MZT2A: variants seen among roughly 807,000 people sequenced by gnomAD.
The protein encoded by MZT2A is mitotic-spindle organizing protein 2A.
A neutral mutation model predicts 12.4 loss-of-function variants in MZT2A; 8 were observed. That is an observed-to-expected ratio of 0.64 (90% CI 0.38 to 1.16). MZT2A has a LOEUF of 1.16. MZT2A is among the 50% of genes most tolerant of loss of function. The pLI, the probability that MZT2A is intolerant of heterozygous loss-of-function variation, is 0.01. For synonymous variants in MZT2A, 88 were observed against 107.5 expected, an observed-to-expected ratio of 0.82 and a Z score of 1.12; for missense variants, 181 against 223.6, an observed-to-expected ratio of 0.81 and a Z score of 1.22.
At chr2:131,478,498 A>G in intron 2 of MZT2A, 3 of 1,360,870 alleles carry the variant, frequency 2.2e-6, no homozygotes, top group Non-Finnish European at 3.0e-6. Context: ...ATAGACAGGC[A>G]TATGCCCATG....
At chr2:131,493,708 G>A (rs1302529470), upstream of MZT2A, among the ~76,000 whole-genome samples, 2 of 152,200 alleles carry the variant, frequency 1.3e-5, no homozygotes, top group African/African-American at 2.4e-5. Context: ...CGGGTCCGAA[G>A]CAGCTCCTGG....
intron 2 of MZT2A, among the ~76,000 whole-genome samples, chr2:131,485,670 A>AC (rs1206923574): frequency 6.6e-6 from 1 of 151,944 alleles, no homozygotes; most frequent in Non-Finnish European, 1.5e-5. Flanking sequence ...TTTTAGGGTG[A>AC]CTCCAGACAA....
intron 2 of MZT2A, among the ~76,000 whole-genome samples, chr2:131,489,094 G>C (rs1429013990): frequency 6.6e-6 from 1 of 152,164 alleles, no homozygotes; most frequent in Non-Finnish European, 1.5e-5. Flanking sequence ...ACACGTGTGG[G>C]GCTCTGCTGA....
At chr2:131,480,838 T>C (rs1176677030), downstream of MZT2A, 2 of 1,536,064 alleles carry the variant, frequency 1.3e-6, no homozygotes, top group African/African-American at 2.7e-5. Context: ...TTGGGGAGAT[T>C]ATCCCTGTTC....
chr2:131,470,332 T>G, exon 4 of MZT2A: 1 of 1,215,704 alleles, frequency 8.2e-7, no homozygotes, highest in South Asian at 1.3e-5. Context: ...TCTCTGAAGC[T>G]TCAACCAATT....
intron 2 of MZT2A, among the ~76,000 whole-genome samples, chr2:131,485,645 C>T (rs1259522506): frequency 6.6e-6 from 1 of 152,162 alleles, no homozygotes; most frequent in East Asian, 1.9e-4. Context: ...CGTGTGGGAA[C>T]TCCCCTGCCA....
At chr2:131,492,654 G>C, upstream of MZT2A, 2 of 1,258,180 alleles carry the variant, frequency 1.6e-6, no homozygotes, top group South Asian at 1.6e-5. Context: ...ACTTGCATTG[G>C]TCGTGCTCGC....
downstream of MZT2A, chr2:131,480,075 C>A (rs760824199): frequency 1.3e-6 from 2 of 1,586,276 alleles, no homozygotes; most frequent in Non-Finnish European, 1.7e-6. Flanking sequence ...TCAGGCGGAT[C>A]TGTGCACAGG....
chr2:131,492,964 G>A, upstream of MZT2A: 2 of 1,524,776 alleles, frequency 1.3e-6, no homozygotes, highest in East Asian at 5.0e-5. Flanking sequence ...TGGCCGGCCG[G>A]CCGGCCTTCT....
At chr2:131,490,760 G>A (rs1573876311) in intron 2 of MZT2A, 2 of 1,549,830 alleles carry the variant, frequency 1.3e-6, no homozygotes, top group East Asian at 2.4e-5. Flanking sequence ...GGAACCCGGG[G>A]GGCCTGGAGA....
intron 2 of MZT2A, among the ~76,000 whole-genome samples, chr2:131,486,899 G>C (rs1468336505): frequency 6.6e-6 from 1 of 152,170 alleles, no homozygotes; most frequent in Admixed American, 6.5e-5. Flanking sequence ...TTCAGGAATT[G>C]CGTGCTCTCG....
At chr2:131,481,484 G>A (rs1678865147), downstream of MZT2A, among the ~76,000 whole-genome samples, 1 of 149,772 alleles carries the variant, frequency 6.7e-6, no homozygotes, top group Non-Finnish European at 1.5e-5. Flanking sequence ...CGCCCGGGTT[G>A]GAATGCAGTG....
At chr2:131,493,255 G>A (rs1679424474), upstream of MZT2A, 1 of 1,351,882 alleles carries the variant, frequency 7.4e-7, no homozygotes. Flanking sequence ...CGGCCCGGCG[G>A]CTCTGCCCAG....
intron 2 of MZT2A, chr2:131,478,273 G>A: frequency 1.2e-6 from 2 of 1,614,072 alleles, no homozygotes; most frequent in Non-Finnish European, 1.7e-6. Flanking sequence ...CAAATGCCAA[G>A]TGATAAAACC....
Sources: allele counts gnomAD v4.1 joint callset (sites outside exome capture counted in the v4.1 genomes callset), GRCh38; gene constraint gnomAD v4.1.1; transcripts MANE v1.5; gene names NCBI Gene and HGNC (gene_info 2026-07-23, HGNC 2026-07-21).